Variants in GRID1 observed in about 807,000 individuals in gnomAD.
GRID1 encodes the protein glutamate receptor ionotropic, delta-1.
A neutral mutation model predicts 98.0 loss-of-function variants in GRID1; 28 were observed. The ratio of observed to expected loss-of-function variants is 0.29; its 90% CI spans 0.21 to 0.39. GRID1 has a LOEUF of 0.39. Ranked by LOEUF, GRID1 falls within the 10% of genes least tolerant of loss-of-function variation. The pLI, the probability that GRID1 is intolerant of heterozygous loss-of-function variation, is 1.00. For missense variants in GRID1, 1,111 were observed against 1,340.5 expected, an observed-to-expected ratio of 0.83 and a Z score of 2.67; for synonymous variants, 553 against 538.5, an observed-to-expected ratio of 1.03 and a Z score of -0.37.
chr10:85,946,993 G>A (rs1424081171), intron 4 of GRID1, among the ~76,000 whole-genome samples: 1 of 152,194 alleles, frequency 6.6e-6, no homozygotes, highest in Non-Finnish European at 1.5e-5. Context: ...AAGGAACAGT[G>A]TATGGCTCAG....
chr10:85,712,867 G>A (rs1280085390), intron 12 of GRID1, among the ~76,000 whole-genome samples: 2 of 151,548 alleles, frequency 1.3e-5, no homozygotes, highest in Middle Eastern at 3.2e-3. Context: ...AAATTCTTGA[G>A]GCAAATAAAA....
At chr10:85,926,567 T>C (rs991204042) in intron 4 of GRID1, among the ~76,000 whole-genome samples, 2 of 152,086 alleles carry the variant, frequency 1.3e-5, no homozygotes, top group Non-Finnish European at 2.9e-5. Context: ...TTGGCCCTTA[T>C]AGAAGGTAGA....
chr10:86,042,645 A>T (rs1843362909), intron 4 of GRID1, among the ~76,000 whole-genome samples: 1 of 152,170 alleles, frequency 6.6e-6, no homozygotes, highest in African/African-American at 2.4e-5. Flanking sequence ...CTCCACAGGA[A>T]CTAGGGGACT....
rs7901942 is a variant in GRID1, at chr10:85,954,847, G to A, written c.727-38608C>T. Among the ~76,000 whole-genome samples the A allele has an allele frequency of 5.6e-3, 859 of 152,152 alleles. 11 individuals carry two copies. The highest frequency in any genetic ancestry group is 0.02 in the African/African-American group (823 of 41,490). ...CTAGAAGAAGTCACTTAATCCCTCC[G>A]AGCCATAGTTCAGTTCCCCACGGTG... is the stretch of plus-strand genomic sequence containing the variant. On this transcript the variant is annotated intron_variant, in intron 4 of 15. Transcript: ENST00000327946.
intron 4 of GRID1, among the ~76,000 whole-genome samples, chr10:86,046,879 A>G (rs1438946570): frequency 6.6e-6 from 1 of 151,820 alleles, no homozygotes; most frequent in Non-Finnish European, 1.5e-5. Context: ...AAAAAAAAAA[A>G]AAGACAGAGA....
intron 4 of GRID1, among the ~76,000 whole-genome samples, chr10:86,078,186 T>A (rs2001960): frequency 0.17 from 25,130 of 152,242 alleles, 2,107 homozygotes; most frequent in Middle Eastern, 0.25. Flanking sequence ...AGAAGAGGGC[T>A]GTGATCATAC....
chr10:86,087,913 C>T (rs1486362849), intron 4 of GRID1, among the ~76,000 whole-genome samples: 1 of 152,192 alleles, frequency 6.6e-6, no homozygotes, highest in Non-Finnish European at 1.5e-5. Flanking sequence ...AGTTCCTCCC[C>T]ACCCCCTCTG....
At chr10:85,965,284 G>A (rs907593663) in intron 4 of GRID1, among the ~76,000 whole-genome samples, 3 of 152,146 alleles carry the variant, frequency 2.0e-5, no homozygotes, top group African/African-American at 7.2e-5. Context: ...TCCCATTACT[G>A]GGTATATACC....
intron 4 of GRID1, among the ~76,000 whole-genome samples, chr10:86,138,471 A>C (rs1589384541): frequency 6.6e-6 from 1 of 152,254 alleles, no homozygotes; most frequent in South Asian, 2.1e-4. Context: ...TTTTATCCCT[A>C]GAGGCTTACA....
intron 12 of GRID1, among the ~76,000 whole-genome samples, chr10:85,721,491 A>T (rs1482335449): frequency 1.3e-5 from 2 of 152,218 alleles, no homozygotes; most frequent in East Asian, 3.8e-4. Context: ...GGTATATGTG[A>T]TATTACTCAT....
chr10:86,295,581 G>GA (rs2132078053), intron 2 of GRID1, among the ~76,000 whole-genome samples: 1 of 152,214 alleles, frequency 6.6e-6, no homozygotes, highest in East Asian at 1.9e-4. Flanking sequence ...TGCAGATGCG[G>GA]AAAGAGAGGG....
chr10:86,015,184 A>C (rs1842965428), intron 4 of GRID1, among the ~76,000 whole-genome samples: 1 of 152,212 alleles, frequency 6.6e-6, no homozygotes, highest in Admixed American at 6.5e-5. Flanking sequence ...TATTTGGTTC[A>C]CTGCCTCAGC....
intron 8 of GRID1, among the ~76,000 whole-genome samples, chr10:85,773,241 G>A (rs942459418): frequency 7.9e-5 from 12 of 152,102 alleles, no homozygotes; most frequent in Admixed American, 2.0e-4. Flanking sequence ...TATCTCAATA[G>A]ATGCAGAAAA....
intron 8 of GRID1, among the ~76,000 whole-genome samples, chr10:85,800,193 G>A (rs1842563059): frequency 6.6e-6 from 1 of 151,528 alleles, no homozygotes; most frequent in Non-Finnish European, 1.5e-5. Context: ...TATTAAGTGA[G>A]TAATTTCTAA....
At chr10:85,788,117 A>C (rs970609622) in intron 8 of GRID1, among the ~76,000 whole-genome samples, 3 of 152,258 alleles carry the variant, frequency 2.0e-5, no homozygotes, top group East Asian at 1.9e-4. Flanking sequence ...CCTTAGCAGA[A>C]TGTCTGACAC....
At chr10:85,631,182 A>C (rs1214551064) in intron 13 of GRID1, among the ~76,000 whole-genome samples, 1 of 152,210 alleles carries the variant, frequency 6.6e-6, no homozygotes, top group Admixed American at 6.5e-5. Flanking sequence ...TGAGGCTCAA[A>C]AAGAACCAAG....
intron 2 of GRID1, among the ~76,000 whole-genome samples, chr10:86,308,680 AAC>A (rs1847792567): frequency 1.3e-5 from 2 of 151,824 alleles, no homozygotes; most frequent in Admixed American, 6.5e-5. Flanking sequence ...TTATTAAAAA[AAC>A]AGAGATTTAT....
chr10:85,824,351 A>G (rs1842799898), intron 8 of GRID1, among the ~76,000 whole-genome samples: 1 of 152,050 alleles, frequency 6.6e-6, no homozygotes, highest in Non-Finnish European at 1.5e-5. Context: ...AGCTGGGATT[A>G]CAGACTCACA....
In GRID1 at chr10:85,631,147, G is replaced by A. The variant is rs1037846597; in HGVS notation, c.2194-11114C>T. Among the ~76,000 whole-genome samples the A allele has an allele frequency of 3.3e-5, 5 of 152,168 alleles. 1 individual carries two copies. Among genetic ancestry groups the A allele is most frequent in the Admixed American group, 2.0e-4 (3 of 15,284 alleles). On this transcript the variant is annotated intron_variant, in intron 13 of 15. Coordinates refer to ENST00000327946, the MANE Select transcript of GRID1 (RefSeq NM_017551.3). ...AGGATAAACTTCCATAGTCCAAATTGTGTACATTTTCCACCCAGGGAAATT... is the reference window on the plus strand; with the variant it reads ...AGGATAAACTTCCATAGTCCAAATTATGTACATTTTCCACCCAGGGAAATT...
Sources: allele counts gnomAD v4.1 joint callset (sites outside exome capture counted in the v4.1 genomes callset), GRCh38; gene constraint gnomAD v4.1.1; transcripts MANE v1.5; gene names NCBI Gene and HGNC (gene_info 2026-07-23, HGNC 2026-07-21).